LITAF: variants seen among roughly 807,000 people sequenced by gnomAD.
LITAF encodes lipopolysaccharide-induced tumor necrosis factor-alpha factor.
LITAF carries 9 observed loss-of-function variants against 14.5 expected under a neutral mutation model. That is an observed-to-expected ratio of 0.62 (90% CI 0.37 to 1.08). The LOEUF (loss-of-function observed/expected upper bound fraction) is 1.08. Among genes scored for constraint, LITAF ranks in the 50% least tolerant of loss-of-function variants. The pLI is 0.01. For synonymous variants in LITAF, 98 were observed against 88.2 expected, an observed-to-expected ratio of 1.11 and a Z score of -0.62; for missense variants, 206 against 213.4, an observed-to-expected ratio of 0.97 and a Z score of 0.22.
Position 11,548,465 on chromosome 16 carries a change from T to C in LITAF, c.*1172A>G, listed in dbSNP as rs780737850. 2.2e-6 allele frequency: 1 copy of C among 454,000 alleles called. No homozygotes were observed. The highest frequency in any genetic ancestry group is 1.6e-5 in the South Asian group (1 of 64,444). 28.1% of individuals were successfully genotyped at this position (454,000 alleles called of 1,614,324 possible). On this transcript the variant is annotated 3_prime_UTR_variant, in exon 4 of 4. Coordinates refer to ENST00000622633, the MANE Select transcript of LITAF (RefSeq NM_001136472.2). ...CATGCTCAAAATGTGCTTTCCCTTA[T>C]CTTTCAAAACCCACCACCAGGAAAC...
chr16:11,608,801 A>G lies in LITAF; in HGVS notation c.85+24732T>C, dbSNP rs140504948. 2.2e-3 allele frequency among the ~76,000 whole-genome samples: 329 copies of G among 152,248 alleles called. 1 individual carries two copies. Among genetic ancestry groups the G allele is most frequent in the African/African-American group, 7.6e-3 (314 of 41,552 alleles). The stretch of plus-strand genomic sequence containing the variant: ...AACATGGTGAAACCCTGTCTCTACT[A>G]AAAATACAAAAATTAGCTGGGCATG... On this transcript the variant is annotated intron_variant, in intron 3 of 3. Coordinates refer to the LITAF transcript ENST00000574848.
chr16:11,621,407 G>A (rs2065050520), intron 3 of LITAF, among the ~76,000 whole-genome samples: 1 of 152,118 alleles, frequency 6.6e-6, no homozygotes, highest in Non-Finnish European at 1.5e-5. Flanking sequence ...GTCTTGCTAT[G>A]TAGCCCAGGC....
At chr16:11,628,849 G>A (rs2065101425) in intron 3 of LITAF, among the ~76,000 whole-genome samples, 2 of 152,102 alleles carry the variant, frequency 1.3e-5, no homozygotes, top group Admixed American at 6.6e-5. Flanking sequence ...GCTAATTTTT[G>A]TATTTTAGTA....
rs188533290 is a variant in LITAF, at chr16:11,597,002, C to A, written c.-6+1386G>T. 3.9e-5 allele frequency among the ~76,000 whole-genome samples: 6 copies of A among 152,234 alleles called. No homozygotes were observed. In the East Asian group the frequency reaches 1.2e-3, roughly 29 times the overall value. On this transcript the variant is annotated intron_variant, in intron 1 of 3. Transcript: ENST00000571627. ...AAGCCCAGACAGGTAAAGTAACATG[C>A]CTCGAATCACAGAGCAAGAAGGTGA...
At chr16:11,551,603 T>G (rs752457170) in intron 3 of LITAF, 14 of 506,870 alleles carry the variant, frequency 2.8e-5, no homozygotes, top group Non-Finnish European at 4.5e-5. Flanking sequence ...GAAGGACTGC[T>G]TGAGTCCAGG....
upstream of LITAF, among the ~76,000 whole-genome samples, chr16:11,638,117 T>TATAGATAGATATAGATAGATAG (rs138178230): frequency 1.4e-5 from 1 of 69,534 alleles, no homozygotes; most frequent in African/African-American, 9.6e-5. Flanking sequence ...TATCTATCTA[T>TATAGATAGATATAGATAGATAG]ATAGATAGAT....
At chr16:11,615,452 G>C (rs540047774) in intron 3 of LITAF, among the ~76,000 whole-genome samples, 1 of 151,986 alleles carries the variant, frequency 6.6e-6, no homozygotes, top group African/African-American at 2.4e-5. Flanking sequence ...CAGGAGAATC[G>C]CTTGAACCTG....
In LITAF at chr16:11,549,442, C is replaced by A. The variant is rs748322027; in HGVS notation, c.*195G>T. 1 of 640,788 alleles carries A rather than the reference C, an allele frequency of 1.6e-6. No individual in the cohort carries two copies. Among genetic ancestry groups the A allele is most frequent in the South Asian group, 1.5e-5 (1 of 66,168 alleles). 39.7% of individuals were successfully genotyped at this position (640,788 alleles called of 1,614,324 possible). A position where few individuals can be genotyped will look rare whatever the true frequency, so the allele number is the denominator to read the frequency against. ...GGGGAATGTCTTTGCAAGTCCTATG[C>A]ACGACTCCAAGCAGCAATTTCTGGG... On this transcript the variant is annotated 3_prime_UTR_variant, in exon 4 of 4. Coordinates refer to ENST00000622633, the MANE Select transcript of LITAF (RefSeq NM_001136472.2). The surrounding 1 kb of genome is among the most constrained non-coding windows in gnomAD (Gnocchi z 4.6).
At chr16:11,587,378 G>T (rs1167871574), upstream of LITAF, 1 of 453,830 alleles carries the variant, frequency 2.2e-6, no homozygotes, top group East Asian at 7.0e-5. Context: ...CGGCCCTCTG[G>T]AGGGCGGCCC....
intron 3 of LITAF, among the ~76,000 whole-genome samples, chr16:11,551,078 C>T (rs535881813): frequency 6.6e-6 from 1 of 152,318 alleles, no homozygotes; most frequent in East Asian, 1.9e-4. Flanking sequence ...AGGCAGGAAC[C>T]TCAGACCGCC....
chr16:11,568,828 C>T (rs1320002130), intron 1 of LITAF, among the ~76,000 whole-genome samples: 3 of 151,884 alleles, frequency 2.0e-5, no homozygotes, highest in Admixed American at 1.3e-4. Context: ...TACAGGCATG[C>T]GCCACCAAGC....
chr16:11,616,749 A>G (rs1314904632), intron 3 of LITAF, among the ~76,000 whole-genome samples: 10 of 151,792 alleles, frequency 6.6e-5, no homozygotes, highest in Admixed American at 6.6e-4. Context: ...CATCTCTACA[A>G]AAATTCTTAA....
chr16:11,594,492 C>G (rs886377607), intron 1 of LITAF, among the ~76,000 whole-genome samples: 1 of 152,016 alleles, frequency 6.6e-6, no homozygotes, highest in Non-Finnish European at 1.5e-5. Context: ...AACTGGTTCC[C>G]TAAAAGAATG....
intron 1 of LITAF, among the ~76,000 whole-genome samples, chr16:11,567,613 C>A (rs1171133319): frequency 6.6e-6 from 1 of 152,130 alleles, no homozygotes; most frequent in East Asian, 1.9e-4. Flanking sequence ...CTGCTAAAAT[C>A]ATCACTCAGC....
chr16:11,548,578 ATTTCTT>A lies in LITAF; in HGVS notation c.*1053_*1058del, dbSNP rs2064137832. ...GTAAAGGCAGTAGATGAAATTATCC[ATTTCTT>A]TTTCTTTTTTTTTTTTTTAAGTGAG... is the stretch of plus-strand genomic sequence containing the variant. On this transcript the variant is annotated 3_prime_UTR_variant, in exon 4 of 4. Coordinates refer to ENST00000622633, the MANE Select transcript of LITAF (RefSeq NM_001136472.2). The A allele has an allele frequency of 4.5e-6, 2 of 443,818 alleles. No homozygotes were observed. Among genetic ancestry groups the A allele is most frequent in the African/African-American group, 2.1e-5 (1 of 46,678 alleles). The allele number at this position is 443,818 out of a possible 1,614,324, so 27.5% of individuals were successfully genotyped here.
chr16:11,625,321 A>G (rs1234025906), intron 3 of LITAF, among the ~76,000 whole-genome samples: 5 of 149,172 alleles, frequency 3.4e-5, no homozygotes, highest in African/African-American at 1.0e-4. Flanking sequence ...GGAATGCAGT[A>G]GTGCGATCTC....
chr16:11,587,518 C>A (rs928932426), upstream of LITAF: 8 of 446,978 alleles, frequency 1.8e-5, no homozygotes, highest in Middle Eastern at 1.4e-3. Context: ...GTCCTGTCTC[C>A]TAAGACCGAC....
At position 11,547,927 on chromosome 16, in the gene LITAF, AG is replaced by A. The variant is rs1316035400; in HGVS notation, c.*1709del. 4.4e-6 allele frequency: 2 copies of A among 454,138 alleles called. No homozygotes were observed. Among genetic ancestry groups the A allele is most frequent in the Admixed American group, 2.3e-5 (1 of 42,572 alleles). 28.1% of individuals were successfully genotyped at this position (454,138 alleles called of 1,614,324 possible). A position where few individuals can be genotyped will look rare whatever the true frequency, so the allele number is the denominator to read the frequency against. On this transcript the variant is annotated 3_prime_UTR_variant, in exon 4 of 4. Transcript: ENST00000622633. ...TTTTCTACCGTTACTGAACAAATAA[AG>A]GTTCTTTGTAGCAATGGCTGGAAAT...
At chr16:11,614,698 C>T (rs1252489266) in intron 3 of LITAF, among the ~76,000 whole-genome samples, 6 of 152,182 alleles carry the variant, frequency 3.9e-5, no homozygotes, top group Admixed American at 3.3e-4. Flanking sequence ...CTCCAGGGCT[C>T]GAGATCCTCC....
Sources: gnomAD v4.1 joint callset for allele counts (sites outside exome capture counted in the v4.1 genomes callset) on GRCh38, gnomAD v4.1.1 for gene constraint, Gnocchi (gnomAD v3.1) non-coding constraint, MANE v1.5 for transcripts, NCBI Gene and HGNC (gene_info 2026-07-23, HGNC 2026-07-21) for gene names.